TNPO3: variants seen among roughly 807,000 people sequenced by gnomAD.
TNPO3 encodes the protein transportin 3.
In TNPO3, 65 loss-of-function variants were observed where a neutral mutation model predicts 122.8. That is an observed-to-expected ratio of 0.53 (90% confidence interval 0.43 to 0.65). The LOEUF (loss-of-function observed/expected upper bound fraction) is 0.65. TNPO3 is among the 30% of genes least tolerant of loss of function. The pLI, the probability that TNPO3 is intolerant of heterozygous loss-of-function variation, is 0.00. For missense variants in TNPO3, 850 were observed against 1,136.7 expected, an observed-to-expected ratio of 0.75 and a Z score of 3.63; for synonymous variants, 372 against 411.2, an observed-to-expected ratio of 0.90 and a Z score of 1.15.
chr7:128,982,733 A>G (rs1025160959), intron 13 of TNPO3, among the ~76,000 whole-genome samples: 3 of 152,168 alleles, frequency 2.0e-5, no homozygotes, highest in African/African-American at 7.2e-5. Context: ...TAGCTTTGTA[A>G]TATATTTTAA....
rs181961010 is a variant in TNPO3 at position 128,967,668 on chromosome 7, G to A, written c.2599-276C>T. On this transcript the variant is annotated intron_variant, in intron 20 of 22. Coordinates refer to ENST00000265388, the MANE Select transcript of TNPO3 (RefSeq NM_012470.4). ...TACACCTTAGAAGTGAAGTTTCTTC[G>A]GGATGAGGCTATTGTTTTGTTCCTG... is the stretch of plus-strand genomic sequence containing the variant. Among the ~76,000 whole-genome samples the A allele has an allele frequency of 2.7e-3, 412 of 152,228 alleles. 1 individual carries two copies. The highest frequency in any genetic ancestry group is 4.2e-3 in the Non-Finnish European group (287 of 68,022).
At chr7:129,051,448 A>C (rs772307046) in intron 1 of TNPO3, among the ~76,000 whole-genome samples, 1 of 151,594 alleles carries the variant, frequency 6.6e-6, no homozygotes, top group Non-Finnish European at 1.5e-5. Flanking sequence ...TCCTGGGCTC[A>C]AGGGATCCTC....
chr7:129,044,486 C>G (rs1807784884), intron 1 of TNPO3, among the ~76,000 whole-genome samples: 1 of 152,172 alleles, frequency 6.6e-6, no homozygotes, highest in African/African-American at 2.4e-5. Context: ...TACTTGTTTT[C>G]TAATTTCATT....
At chr7:128,964,396 T>G (rs1245432787) in intron 21 of TNPO3, among the ~76,000 whole-genome samples, 2 of 136,876 alleles carry the variant, frequency 1.5e-5, no homozygotes, top group Admixed American at 8.5e-5. Context: ...AGTGCAGTGG[T>G]GCAATCTCGG....
rs969013516 is a variant in TNPO3 at position 129,047,269 on chromosome 7, T to C, written c.120+7382A>G. ...ACTTACAACTTAAATTAAAAACTTA[T>C]AACTGAGTCGCTTAAGTAATTGGCC... On this transcript the variant is annotated intron_variant, in intron 1 of 22. Transcript: ENST00000265388. Among the ~76,000 whole-genome samples, 4 of 152,336 alleles carry C rather than the reference T, an allele frequency of 2.6e-5. No individual in the cohort carries two copies. In the East Asian group the frequency reaches 5.8e-4, roughly 22 times the overall value.
At chr7:128,984,942 C>T (rs1369523007) in intron 12 of TNPO3, among the ~76,000 whole-genome samples, 1 of 152,150 alleles carries the variant, frequency 6.6e-6, no homozygotes, top group African/African-American at 2.4e-5. Flanking sequence ...CAGTTAGGTT[C>T]AAGTGGAGAC....
intron 4 of TNPO3, among the ~76,000 whole-genome samples, chr7:129,009,818 G>A (rs1396131050): frequency 1.3e-5 from 2 of 152,156 alleles, no homozygotes; most frequent in Admixed American, 6.5e-5. Context: ...AGTTAGTACT[G>A]CTGAAACTCG....
chr7:128,997,860 C>T (rs1289629510), intron 7 of TNPO3, among the ~76,000 whole-genome samples: 2 of 151,996 alleles, frequency 1.3e-5, no homozygotes, highest in African/African-American at 2.4e-5. Context: ...TTTTTAGAGA[C>T]GGAGTTTCAT....
chr7:128,978,005 G>T (rs1021454797), intron 16 of TNPO3, among the ~76,000 whole-genome samples: 12 of 152,180 alleles, frequency 7.9e-5, no homozygotes, highest in African/African-American at 2.9e-4. Context: ...TATGACTCTA[G>T]CCTGGAGCTC....
chr7:128,974,676 C>T (rs1482218362), intron 18 of TNPO3, among the ~76,000 whole-genome samples, 192 bp downstream of exon 18: 3 of 152,144 alleles, frequency 2.0e-5, no homozygotes, highest in African/African-American at 7.2e-5. Flanking sequence ...CTCCTTTATC[C>T]CTTGCTTCCC....
chr7:128,973,922 C>T (rs1798783419), intron 18 of TNPO3, among the ~76,000 whole-genome samples: 1 of 151,594 alleles, frequency 6.6e-6, no homozygotes, highest in Non-Finnish European at 1.5e-5. Context: ...GCCTGTAATC[C>T]CAGGACTTTG....
At chr7:128,969,646 G>A (rs1170951001) in intron 20 of TNPO3, among the ~76,000 whole-genome samples, 1 of 152,168 alleles carries the variant, frequency 6.6e-6, no homozygotes, top group Non-Finnish European at 1.5e-5. Context: ...CCATCCTTAG[G>A]TGGGTGATAA....
chr7:128,983,211 T>C (rs1799805901), intron 13 of TNPO3, among the ~76,000 whole-genome samples: 1 of 152,106 alleles, frequency 6.6e-6, no homozygotes, highest in South Asian at 2.1e-4. Context: ...CAAAGACTTT[T>C]TTTTTCTTTT....
At chr7:128,959,238 T>C (rs1797200547) in intron 21 of TNPO3, among the ~76,000 whole-genome samples, 1 of 152,220 alleles carries the variant, frequency 6.6e-6, no homozygotes, top group Non-Finnish European at 1.5e-5. Context: ...TGGTGTGTTA[T>C]CACAAGGGAC....
At chr7:128,990,203 C>G (rs764309262) in intron 10 of TNPO3, 103 bp from the exon 11 acceptor site, 2 of 1,251,496 alleles carry the variant, frequency 1.6e-6, no homozygotes, top group Admixed American at 3.4e-5. Flanking sequence ...GGGCTTCTTT[C>G]TAAACAACCA....
At chr7:129,004,274 A>G (rs893054668) in intron 5 of TNPO3, among the ~76,000 whole-genome samples, 2 of 152,178 alleles carry the variant, frequency 1.3e-5, no homozygotes, top group Admixed American at 1.3e-4. Context: ...CAGCTTCCAT[A>G]CTAATATATC....
chr7:129,032,047 C>G (rs1490613512), intron 1 of TNPO3, among the ~76,000 whole-genome samples: 2 of 149,954 alleles, frequency 1.3e-5, no homozygotes, highest in Non-Finnish European at 3.0e-5. Context: ...ACCTGGAATA[C>G]AAGGGTGGCT....
intron 1 of TNPO3, among the ~76,000 whole-genome samples, chr7:129,018,830 T>C (rs1804131026): frequency 1.3e-5 from 2 of 152,204 alleles, no homozygotes; most frequent in Non-Finnish European, 2.9e-5. Context: ...GCAATTCTCC[T>C]GCCTCAGTCT....
intron 1 of TNPO3, among the ~76,000 whole-genome samples, chr7:129,051,249 CA>C (rs1164178482): frequency 6.7e-6 from 1 of 150,324 alleles, no homozygotes; most frequent in South Asian, 2.1e-4. Flanking sequence ...ATAAAGATTT[CA>C]AAAAAAACTA....
Sources: allele counts gnomAD v4.1 joint callset (sites outside exome capture counted in the v4.1 genomes callset), GRCh38; gene constraint gnomAD v4.1.1; transcripts MANE v1.5; gene names NCBI Gene and HGNC (gene_info 2026-07-23, HGNC 2026-07-21).